Variants in RGS20 observed in about 807,000 individuals in gnomAD.
The protein encoded by RGS20 is regulator of G protein signaling 20, also known as gz-selective GTPase-activating protein.
RGS20 carries 30 observed loss-of-function variants against 33.6 expected under a neutral mutation model. The ratio of observed to expected loss-of-function variants is 0.89; its 90% confidence interval spans 0.67 to 1.21. The LOEUF is 1.21. Among genes scored for constraint, RGS20 ranks in the 50% most tolerant of loss-of-function variants. The probability of loss-of-function intolerance (pLI) is 0.00; values close to 1 mark genes in which losing one functional copy is unlikely to be tolerated. For missense variants in RGS20, 472 were observed against 502.4 expected (o/e 0.94, Z 0.58); for synonymous variants, 208 against 197.9 (o/e 1.05, Z -0.43).
rs1168400953 is a variant in RGS20, at chr8:53,864,302, C to T, written c.165+12238C>T. On this transcript the variant is annotated intron_variant, in intron 1 of 5. Transcript: ENST00000297313. ...AAAAAAAATCAGCTGGGCATGATGG[C>T]GGGTGCCTGTAATCCCAGCTACTCG... Among the ~76,000 whole-genome samples, 6 of 151,744 alleles carry T rather than the reference C, an allele frequency of 4.0e-5. No homozygotes were observed. The South Asian group carries it at 6.2e-4, about 16-fold the overall frequency.
intron 4 of RGS20, among the ~76,000 whole-genome samples, chr8:53,948,584 TG>T (rs1563432564): frequency 3.1e-5 from 2 of 64,310 alleles, no homozygotes; most frequent in East Asian, 8.1e-4. Flanking sequence ...ATGCTATATA[TG>T]ATACAGTACA....
At chr8:53,954,384 C>A in intron 5 of RGS20, 74 bp downstream of exon 4, 1 of 1,020,014 alleles carries the variant, frequency 9.8e-7, no homozygotes, top group South Asian at 1.3e-5. Flanking sequence ...TTGCCATAGG[C>A]CGGGCACAGT....
chr8:53,869,932 T>G (rs1812021223), intron 1 of RGS20, among the ~76,000 whole-genome samples: 1 of 152,102 alleles, frequency 6.6e-6, no homozygotes, highest in African/African-American at 2.4e-5. Context: ...CCAGGACTTG[T>G]GTGGTTTGAA....
At chr8:53,928,860 A>C (rs1327467302) in intron 2 of RGS20, among the ~76,000 whole-genome samples, 1 of 152,136 alleles carries the variant, frequency 6.6e-6, no homozygotes. Context: ...GAAAGAAGAC[A>C]ATGTCTTATA....
At chr8:53,909,211 A>ATGTG (rs1397698862) in intron 2 of RGS20, among the ~76,000 whole-genome samples, 90 of 9,912 alleles carry the variant, frequency 9.1e-3, no homozygotes, top group African/African-American at 0.026. Context: ...GTATGTGTGT[A>ATGTG]TATATATATA....
chr8:53,948,690 A>G (rs1471535114), intron 4 of RGS20, among the ~76,000 whole-genome samples: 6 of 129,662 alleles, frequency 4.6e-5, no homozygotes, highest in Non-Finnish European at 1.6e-5. Flanking sequence ...GATACAGTAC[A>G]TATTTACATA....
intron 1 of RGS20, among the ~76,000 whole-genome samples, chr8:53,869,802 G>T (rs1473056037): frequency 5.9e-5 from 9 of 152,130 alleles, no homozygotes. Context: ...ACATATTGAG[G>T]CCCTCTGAGC....
chr8:53,874,849 A>G (rs531584416), intron 1 of RGS20, among the ~76,000 whole-genome samples: 18 of 152,338 alleles, frequency 1.2e-4, no homozygotes, highest in African/African-American at 4.3e-4. Flanking sequence ...CATCTGCTGC[A>G]ATGCTATTTC....
Position 53,879,414 on chromosome 8 carries a change from C to A in RGS20, c.322C>A (p.Leu108Ile). ...GAGGCGCCTGGACTTCTCCCCCCTG[C>A]TTCCCGCCCTGCCGGCCGCCCGGCT... The change falls in exon 2 of 6, where the codon CTT (leucine) becomes ATT (isoleucine). Residue 108 changes from leucine (L) to isoleucine (I), a missense_variant. By Grantham distance (5) the Leu-to-Ile change is conservative. Transcript: ENST00000297313. 2 of 1,608,788 alleles carry A rather than the reference C, an allele frequency of 1.2e-6. No individual in the cohort carries two copies. Among genetic ancestry groups the A allele is most frequent in the East Asian group, 2.2e-5 (1 of 44,648 alleles).
chr8:53,943,834 CAG>C, intron 3 of RGS20, among the ~76,000 whole-genome samples: 1 of 152,074 alleles, frequency 6.6e-6, no homozygotes, highest in Admixed American at 6.6e-5. Context: ...GGAAGTCATG[CAG>C]AGAGCGTACC....
intron 2 of RGS20, among the ~76,000 whole-genome samples, chr8:53,913,262 G>A (rs901880578): frequency 1.3e-5 from 2 of 152,092 alleles, no homozygotes; most frequent in Non-Finnish European, 2.9e-5. Flanking sequence ...ACCATGCCCA[G>A]CCTAAAAATA....
At chr8:53,938,095 T>C (rs1814186199) in intron 2 of RGS20, among the ~76,000 whole-genome samples, 1 of 152,212 alleles carries the variant, frequency 6.6e-6, no homozygotes, top group Admixed American at 6.5e-5. Context: ...ATATGTTTAT[T>C]GAGGCACTGT....
intron 2 of RGS20, among the ~76,000 whole-genome samples, chr8:53,914,357 G>T (rs1190670394): frequency 6.6e-6 from 1 of 152,022 alleles, no homozygotes; most frequent in African/African-American, 2.4e-5. Context: ...TCTTAACCTT[G>T]GTACTTTGGG....
chr8:53,904,762 T>G (rs1369742380), intron 2 of RGS20, among the ~76,000 whole-genome samples: 2 of 150,962 alleles, frequency 1.3e-5, no homozygotes, highest in African/African-American at 2.5e-5. Context: ...AGCAAAGCTC[T>G]TAATAAAGAT....
At chr8:53,881,247 C>T (rs1348420518) in intron 2 of RGS20, among the ~76,000 whole-genome samples, 163 bp downstream of exon 1, 1 of 151,860 alleles carries the variant, frequency 6.6e-6, no homozygotes, top group African/African-American at 2.4e-5. Context: ...GGGTTCCTTC[C>T]CGCAGTGCGA....
At chr8:53,944,777 G>A (rs1184878905) in intron 3 of RGS20, among the ~76,000 whole-genome samples, 2 of 152,074 alleles carry the variant, frequency 1.3e-5, no homozygotes, top group Non-Finnish European at 2.9e-5. Context: ...ATAATAAAAT[G>A]CAAATAAATC....
At chr8:53,948,341 ATATT>A (rs1256850165) in intron 4 of RGS20, among the ~76,000 whole-genome samples, 18 of 141,190 alleles carry the variant, frequency 1.3e-4, no homozygotes, top group South Asian at 4.5e-4. Flanking sequence ...AAGACAGTAT[ATATT>A]TATATATGCT....
chr8:53,889,245 T>C (rs1322792702), intron 2 of RGS20, among the ~76,000 whole-genome samples: 1 of 152,098 alleles, frequency 6.6e-6, no homozygotes, highest in Non-Finnish European at 1.5e-5. Flanking sequence ...GGTGGCTGTG[T>C]AGTGGTATCT....
chr8:53,945,363 C>T (rs1009824006), intron 3 of RGS20: 1 of 152,184 alleles, frequency 6.6e-6, no homozygotes, highest in African/African-American at 2.4e-5. Flanking sequence ...CAGCAAAGAT[C>T]ACATACGGTA....
Sources: allele counts gnomAD v4.1 joint callset (sites outside exome capture counted in the v4.1 genomes callset), GRCh38; gene constraint gnomAD v4.1.1; transcripts MANE v1.5; gene names NCBI Gene and HGNC (gene_info 2026-07-23, HGNC 2026-07-21).